GRP: variants seen among roughly 807,000 people sequenced by gnomAD.
The protein encoded by GRP is gastrin-releasing peptide.
Under a neutral mutation model 12.7 loss-of-function variants are expected in GRP, and 11 were observed. The observed-to-expected ratio is 0.87, with a 90% confidence interval of 0.55 to 1.44. GRP has a LOEUF of 1.44. Ranked by LOEUF, GRP falls within the 40% of genes most tolerant of loss-of-function variation. GRP has a pLI of 0.00. For missense variants in GRP, 212 were observed against 185.4 expected (o/e 1.14, Z -0.83); for synonymous variants, 84 against 77.7 (o/e 1.08, Z -0.43).
chr18:59,230,015 C>T (rs1265325574), intron 2 of GRP, among the ~76,000 whole-genome samples: 5 of 152,186 alleles, frequency 3.3e-5, no homozygotes. Context: ...CTCAGCTGCT[C>T]CTCTAGTAAT....
rs80096345 is a variant in GRP, at chr18:59,221,734, A to T, written c.139+1330A>T. ...GATAGAAGATAAATAATTTGGGGGA[A>T]GGAGTGGGACTGGAACTGTTGCTTC... On this transcript the variant is annotated intron_variant, in intron 1 of 2. Coordinates refer to ENST00000256857, the MANE Select transcript of GRP (RefSeq NM_002091.5). Among the ~76,000 whole-genome samples, 187 of 152,274 alleles carry T rather than the reference A, an allele frequency of 1.2e-3. 5 individuals are homozygous for T. In the East Asian group the frequency reaches 0.033, roughly 27 times the overall value.
In GRP at chr18:59,230,473, G is replaced by C; in HGVS notation, c.*5G>C. On this transcript the variant is annotated 3_prime_UTR_variant, in exon 3 of 3. Transcript: ENST00000256857. Reference sequence around the variant, plus strand: ...CCCCAGCTGAACCAGCAATGATAATGATGGCCTCTCTCAAAAGAGAAAAAC... The same window carrying C: ...CCCCAGCTGAACCAGCAATGATAATCATGGCCTCTCTCAAAAGAGAAAAAC... 6.5e-7 allele frequency: 1 copy of C among 1,545,940 alleles called. No homozygotes were observed. The highest frequency in any genetic ancestry group is 8.9e-7 in the Non-Finnish European group (1 of 1,117,694).
intron 2 of GRP, among the ~76,000 whole-genome samples, chr18:59,226,997 CTTTCTTTCTTTCTTT>C (rs1568084820): frequency 1.5e-3 from 56 of 37,618 alleles, no homozygotes; most frequent in African/African-American, 3.6e-3. Flanking sequence ...TTCTTCCTTT[CTTTCTTTCTTTCTTT>C]CTTTCTTTCT....
intron 2 of GRP, among the ~76,000 whole-genome samples, chr18:59,229,504 C>G (rs2069996892): frequency 6.6e-6 from 1 of 152,076 alleles, no homozygotes; most frequent in Non-Finnish European, 1.5e-5. Context: ...AATTGGCATG[C>G]GTGGGAATCA....
At chr18:59,226,953 T>C (rs2069931129) in intron 2 of GRP, among the ~76,000 whole-genome samples, 1 of 150,792 alleles carries the variant, frequency 6.6e-6, no homozygotes, top group Non-Finnish European at 1.5e-5. Context: ...CTTTCTTCCT[T>C]CCTTTCTTAC....
intron 2 of GRP, among the ~76,000 whole-genome samples, chr18:59,227,308 A>G (rs1452596483): frequency 6.6e-6 from 1 of 152,188 alleles, no homozygotes; most frequent in African/African-American, 2.4e-5. Context: ...TCCTAGATTA[A>G]ATAAACCAAT....
Sources: gnomAD v4.1 joint callset for allele counts (sites outside exome capture counted in the v4.1 genomes callset) on GRCh38, gnomAD v4.1.1 for gene constraint, MANE v1.5 for transcripts, NCBI Gene and HGNC (gene_info 2026-07-23, HGNC 2026-07-21) for gene names.